Variants in C2orf76 observed in about 807,000 individuals in gnomAD.
C2orf76 encodes chromosome 2 open reading frame 76, also known as UPF0538 protein C2orf76.
C2orf76 carries 23 observed loss-of-function variants against 16.9 expected under a neutral mutation model. The ratio of observed to expected loss-of-function variants is 1.36; its 90% CI spans 0.98 to 1.93. The LOEUF (loss-of-function observed/expected upper bound fraction) is 1.93, where lower values mean the gene tolerates loss of function less well. Among genes scored for constraint, C2orf76 ranks in the 30% most tolerant of loss-of-function variants. C2orf76 has a pLI of 0.00. For missense variants in C2orf76, 152 were observed against 152.6 expected (o/e 1.00, Z 0.02); for synonymous variants, 48 against 52.3 (o/e 0.92, Z 0.35).
chr2:119,298,805 C>A (rs1414789418), downstream of C2orf76, among the ~76,000 whole-genome samples: 1 of 152,164 alleles, frequency 6.6e-6, no homozygotes, highest in Non-Finnish European at 1.5e-5. Flanking sequence ...ACTTAATCTT[C>A]TTGCAATCAT....
At chr2:119,303,786 T>C (rs1678688677) in intron 5 of C2orf76, among the ~76,000 whole-genome samples, 2 of 152,200 alleles carry the variant, frequency 1.3e-5, no homozygotes, top group Admixed American at 1.3e-4. Context: ...AAGCCACCCA[T>C]AGTCACAGAT....
intron 1 of C2orf76, among the ~76,000 whole-genome samples, chr2:119,364,279 A>G (rs77346790): frequency 0.013 from 1,954 of 152,352 alleles, 43 homozygotes; most frequent in African/African-American, 0.045. Flanking sequence ...AAGGCAAACT[A>G]CAACAATGAC....
chr2:119,316,840 G>A (rs1406331082), intron 4 of C2orf76, among the ~76,000 whole-genome samples: 1 of 152,134 alleles, frequency 6.6e-6, no homozygotes, highest in East Asian at 1.9e-4. Flanking sequence ...TGCTCTGTCT[G>A]TATGATAAAC....
At chr2:119,363,372 C>T (rs1386337163) in intron 1 of C2orf76, among the ~76,000 whole-genome samples, 1 of 149,874 alleles carries the variant, frequency 6.7e-6, no homozygotes, top group Admixed American at 6.7e-5. Context: ...TGCAGTGAGC[C>T]GAGATCGCAC....
chr2:119,290,693 G>A, the C2orf76 span, among the ~76,000 whole-genome samples: 1 of 151,964 alleles, frequency 6.6e-6, no homozygotes. Context: ...AGCCTGGCGT[G>A]GCATTGCACG....
the C2orf76 span, among the ~76,000 whole-genome samples, chr2:119,283,464 T>A: frequency 6.6e-6 from 1 of 152,046 alleles, no homozygotes; most frequent in Non-Finnish European, 1.5e-5. Flanking sequence ...TTCTTTTGGT[T>A]TTTTTGTTTT....
chr2:119,349,048 G>A (rs970062657), intron 1 of C2orf76, among the ~76,000 whole-genome samples: 4 of 152,186 alleles, frequency 2.6e-5, no homozygotes, highest in Non-Finnish European at 4.4e-5. Flanking sequence ...CTGCATGTTT[G>A]TAATGTAGGT....
intron 2 of C2orf76, among the ~76,000 whole-genome samples, chr2:119,330,721 AC>A (rs764972161): frequency 6.6e-5 from 10 of 151,664 alleles, no homozygotes; most frequent in South Asian, 6.3e-4. Flanking sequence ...GTTGTCCCAT[AC>A]CTCCCCACTG....
chr2:119,314,756 T>C (rs1420636896), intron 4 of C2orf76, among the ~76,000 whole-genome samples: 2 of 152,216 alleles, frequency 1.3e-5, no homozygotes, highest in African/African-American at 4.8e-5. Context: ...TGTATTTTAT[T>C]GGGGCAGCAT....
chr2:119,362,895 C>G (rs1680789171), intron 1 of C2orf76, among the ~76,000 whole-genome samples: 1 of 152,140 alleles, frequency 6.6e-6, no homozygotes, highest in South Asian at 2.1e-4. Flanking sequence ...TCCTGCCCGC[C>G]TTGCCACAAT....
At chr2:119,320,431 T>C (rs1679306961) in intron 3 of C2orf76, among the ~76,000 whole-genome samples, 1 of 152,162 alleles carries the variant, frequency 6.6e-6, no homozygotes, top group South Asian at 2.1e-4. Context: ...CAAAGTACTT[T>C]CCACTCAGTG....
chr2:119,307,000 T>C (rs969854050), intron 5 of C2orf76, among the ~76,000 whole-genome samples: 2 of 152,082 alleles, frequency 1.3e-5, no homozygotes, highest in Non-Finnish European at 2.9e-5. Flanking sequence ...ATTATTCCCA[T>C]GGCAACTGGC....
At chr2:119,282,292 A>G in the C2orf76 span, among the ~76,000 whole-genome samples, 1 of 152,206 alleles carries the variant, frequency 6.6e-6, no homozygotes, top group African/African-American at 2.4e-5. Flanking sequence ...TTATACCAAT[A>G]GGTCGGCTCT....
At chr2:119,314,700 C>T (rs1034452182) in intron 4 of C2orf76, among the ~76,000 whole-genome samples, 1 of 152,104 alleles carries the variant, frequency 6.6e-6, no homozygotes, top group Non-Finnish European at 1.5e-5. Context: ...TTTTTACATA[C>T]TGATTTTAAA....
chr2:119,335,268 G>T (rs888110590), intron 2 of C2orf76, among the ~76,000 whole-genome samples: 1 of 152,034 alleles, frequency 6.6e-6, no homozygotes, highest in Middle Eastern at 3.2e-3. Flanking sequence ...ATAGAAAAAA[G>T]AAAGAAAGAA....
chr2:119,295,087 A>G, the C2orf76 span, among the ~76,000 whole-genome samples: 1 of 152,198 alleles, frequency 6.6e-6, no homozygotes, highest in Non-Finnish European at 1.5e-5. Flanking sequence ...GGGTGCAGTT[A>G]TTAATGACTA....
chr2:119,366,796 C>G lies in C2orf76; in HGVS notation c.-19G>C, dbSNP rs1374421154. 1 of 576,482 alleles carries G rather than the reference C, an allele frequency of 1.7e-6. No homozygotes were observed. Among genetic ancestry groups the G allele is most frequent in the African/African-American group, 1.9e-5 (1 of 52,352 alleles). 35.7% of individuals were successfully genotyped at this position (576,482 alleles called of 1,614,324 possible). A position where few individuals can be genotyped will look rare whatever the true frequency, so the allele number is the denominator to read the frequency against. On this transcript the variant is annotated 5_prime_UTR_variant, in exon 1 of 6. Transcript: ENST00000334816. ...CTACTTCCGTTGTCCCCACCTGTTC[C>G]CGGCGTCCCCTTCGGCTACTCCCGG...
At chr2:119,285,833 A>G in the C2orf76 span, among the ~76,000 whole-genome samples, 1 of 152,220 alleles carries the variant, frequency 6.6e-6, no homozygotes, top group African/African-American at 2.4e-5. Flanking sequence ...AGACCCTTGC[A>G]TTTATCAACT....
intron 2 of C2orf76, among the ~76,000 whole-genome samples, chr2:119,332,481 A>T (rs1413497487): frequency 2.0e-5 from 3 of 152,196 alleles, no homozygotes; most frequent in Non-Finnish European, 2.9e-5. Flanking sequence ...CACAGAGTAG[A>T]ACAAAAAATT....
Sources: gnomAD v4.1 joint callset for allele counts (sites outside exome capture counted in the v4.1 genomes callset) on GRCh38, gnomAD v4.1.1 for gene constraint, MANE v1.5 for transcripts, NCBI Gene and HGNC (gene_info 2026-07-23, HGNC 2026-07-21) for gene names.